Variants in CENPW observed in about 807,000 individuals in gnomAD.
CENPW encodes centromere protein W.
A neutral mutation model predicts 11.1 loss-of-function variants in CENPW; 3 were observed. The ratio of observed to expected loss-of-function variants is 0.27; its 90% CI spans 0.12 to 0.70. CENPW has a LOEUF of 0.70. Ranked by LOEUF, CENPW falls within the 30% of genes least tolerant of loss-of-function variation. The pLI is 0.77. For missense variants in CENPW, 100 were observed against 105.6 expected, an observed-to-expected ratio of 0.95 and a Z score of 0.23; for synonymous variants, 38 against 42.0, an observed-to-expected ratio of 0.91 and a Z score of 0.37.
chr6:126,368,872 C>G, the CENPW span, among the ~76,000 whole-genome samples: 1 of 152,030 alleles, frequency 6.6e-6, no homozygotes, highest in Admixed American at 6.5e-5. Flanking sequence ...GTCTCAATCT[C>G]CTGATCTCGT....
chr6:126,369,335 T>C, the CENPW span, among the ~76,000 whole-genome samples: 1 of 152,224 alleles, frequency 6.6e-6, no homozygotes, highest in Non-Finnish European at 1.5e-5. Flanking sequence ...AGTTCTACTT[T>C]TCATTTTTAA....
the CENPW span, among the ~76,000 whole-genome samples, chr6:126,366,660 A>G: frequency 1.3e-5 from 2 of 152,200 alleles, no homozygotes; most frequent in Admixed American, 6.5e-5. Context: ...GTGCTCAGCA[A>G]TCAAGTAGAG....
chr6:126,382,059 C>A, the CENPW span, among the ~76,000 whole-genome samples: 1 of 152,062 alleles, frequency 6.6e-6, no homozygotes. Flanking sequence ...CATGGTGAAA[C>A]CCTGTCTCTA....
chr6:126,408,553 A>C, the CENPW span, among the ~76,000 whole-genome samples: 1 of 152,174 alleles, frequency 6.6e-6, no homozygotes, highest in African/African-American at 2.4e-5. Context: ...GGGTGGGGAC[A>C]CAACCAAACC....
chr6:126,344,748 A>T (rs1780375987), intron 1 of CENPW, among the ~76,000 whole-genome samples: 1 of 152,168 alleles, frequency 6.6e-6, no homozygotes, highest in Non-Finnish European at 1.5e-5. Context: ...TCCACATATC[A>T]CTAGAACATT....
chr6:126,407,707 T>G, the CENPW span, among the ~76,000 whole-genome samples: 3 of 152,162 alleles, frequency 2.0e-5, no homozygotes, highest in African/African-American at 7.2e-5. Flanking sequence ...TTTTTTCATG[T>G]TTTTGGTTGC....
At chr6:126,458,752 A>G in the CENPW span, among the ~76,000 whole-genome samples, 1 of 151,470 alleles carries the variant, frequency 6.6e-6, no homozygotes, top group African/African-American at 2.4e-5. Context: ...GTTTGAAACA[A>G]TTATTAAAGA....
the CENPW span, among the ~76,000 whole-genome samples, chr6:126,445,578 T>G: frequency 6.6e-6 from 1 of 151,212 alleles, no homozygotes; most frequent in Admixed American, 6.6e-5. Flanking sequence ...CATTGTTATA[T>G]CCTACCATAC....
the CENPW span, among the ~76,000 whole-genome samples, chr6:126,483,043 C>G: frequency 6.6e-6 from 1 of 151,794 alleles, no homozygotes; most frequent in East Asian, 1.9e-4. Flanking sequence ...AAAAGCCTTG[C>G]AATGTTTCTA....
the CENPW span, among the ~76,000 whole-genome samples, chr6:126,436,811 T>C: frequency 6.6e-6 from 1 of 151,932 alleles, no homozygotes; most frequent in African/African-American, 2.4e-5. Flanking sequence ...AAAATAGAAC[T>C]TACAGATATG....
chr6:126,383,963 A>C, the CENPW span, among the ~76,000 whole-genome samples: 79 of 152,304 alleles, frequency 5.2e-4, no homozygotes, highest in African/African-American at 1.8e-3. Flanking sequence ...TCTCTGGTGC[A>C]CATGAAACAT....
At chr6:126,437,742 C>T in the CENPW span, among the ~76,000 whole-genome samples, 1,539 of 151,738 alleles carry the variant, frequency 0.01, 24 homozygotes, top group African/African-American at 0.036. Context: ...TTTTGTTCTA[C>T]TCTCATTTTA....
At chr6:126,359,456 G>A in the CENPW span, among the ~76,000 whole-genome samples, 1 of 152,068 alleles carries the variant, frequency 6.6e-6, no homozygotes, top group Non-Finnish European at 1.5e-5. Flanking sequence ...CAAGTGTTGA[G>A]TTTAAGTTCA....
the CENPW span, among the ~76,000 whole-genome samples, chr6:126,405,093 G>A: frequency 6.6e-6 from 1 of 151,956 alleles, no homozygotes; most frequent in African/African-American, 2.4e-5. Flanking sequence ...TCCAATATAA[G>A]ACCAATGTCC....
At chr6:126,434,044 G>T in the CENPW span, among the ~76,000 whole-genome samples, 1 of 152,082 alleles carries the variant, frequency 6.6e-6, no homozygotes, top group Non-Finnish European at 1.5e-5. Flanking sequence ...CATTTTAATA[G>T]ATTTTCTTCC....
chr6:126,383,149 C>G, the CENPW span, among the ~76,000 whole-genome samples: 1 of 152,068 alleles, frequency 6.6e-6, no homozygotes, highest in Non-Finnish European at 1.5e-5. Flanking sequence ...GAAATTCCAA[C>G]CAAGAATTTT....
chr6:126,444,502 T>C, the CENPW span, among the ~76,000 whole-genome samples: 1 of 151,192 alleles, frequency 6.6e-6, no homozygotes, highest in Non-Finnish European at 1.5e-5. Flanking sequence ...TGTATTCCTT[T>C]AGGTTTAGTC....
the CENPW span, among the ~76,000 whole-genome samples, chr6:126,376,637 C>A: frequency 4.6e-5 from 7 of 152,214 alleles, no homozygotes; most frequent in African/African-American, 1.7e-4. Context: ...TGGAACTGGG[C>A]ATTACTTAGG....
the CENPW span, among the ~76,000 whole-genome samples, chr6:126,383,053 A>G: frequency 6.6e-6 from 1 of 152,192 alleles, no homozygotes; most frequent in Non-Finnish European, 1.5e-5. Flanking sequence ...AAGGGAAGTC[A>G]GTCAAACCAA....
Sources: gnomAD v4.1 joint callset for allele counts (sites outside exome capture counted in the v4.1 genomes callset) on GRCh38, gnomAD v4.1.1 for gene constraint, MANE v1.5 for transcripts, NCBI Gene and HGNC (gene_info 2026-07-23, HGNC 2026-07-21) for gene names.